RARB: variants seen among roughly 807,000 people sequenced by gnomAD.
RARB encodes the protein retinoic acid receptor beta, also known as HBV-activated protein.
A neutral mutation model predicts 51.9 loss-of-function variants in RARB; 17 were observed. The ratio of observed to expected loss-of-function variants is 0.33; its 90% CI spans 0.22 to 0.49. The LOEUF (loss-of-function observed/expected upper bound fraction) is 0.49. Ranked by LOEUF, RARB falls within the 20% of genes least tolerant of loss-of-function variation. The pLI is 0.99. For missense variants in RARB, 369 were observed against 550.8 expected, an observed-to-expected ratio of 0.67 and a Z score of 3.30; for synonymous variants, 215 against 195.4, an observed-to-expected ratio of 1.10 and a Z score of -0.84.
chr3:25,515,803 G>A (rs1698135314), intron 3 of RARB, among the ~76,000 whole-genome samples: 1 of 152,154 alleles, frequency 6.6e-6, no homozygotes, highest in African/African-American at 2.4e-5. Flanking sequence ...GTGGGGTGCT[G>A]GACATTCTAA....
intron 2 of RARB, among the ~76,000 whole-genome samples, chr3:24,916,854 A>G (rs867923953): frequency 4.0e-4 from 61 of 152,200 alleles, no homozygotes; most frequent in Middle Eastern, 3.4e-3. Context: ...CATCAAAAGG[A>G]TAATGCATAA....
intron 2 of RARB, among the ~76,000 whole-genome samples, chr3:24,945,982 C>T (rs1317236000): frequency 6.6e-6 from 1 of 152,164 alleles, no homozygotes; most frequent in Non-Finnish European, 1.5e-5. Flanking sequence ...TTAAGAATCG[C>T]TGGCCAGGCG....
At chr3:25,101,890 C>T (rs1468208154) in intron 3 of RARB, among the ~76,000 whole-genome samples, 3 of 151,910 alleles carry the variant, frequency 2.0e-5, no homozygotes, top group East Asian at 3.9e-4. Context: ...TCTATTTAAG[C>T]AAAAACTTGT....
intron 3 of RARB, among the ~76,000 whole-genome samples, chr3:25,556,955 G>A (rs1700085315): frequency 6.6e-6 from 1 of 152,216 alleles, no homozygotes; most frequent in Non-Finnish European, 1.5e-5. Flanking sequence ...GCAAGGAATA[G>A]TTATTATTTT....
intron 4 of RARB, among the ~76,000 whole-genome samples, chr3:25,134,576 A>G (rs1329900189): frequency 1.3e-5 from 2 of 151,990 alleles, no homozygotes; most frequent in African/African-American, 4.8e-5. Context: ...TAGGATGATA[A>G]CGTGATACTA....
intron 4 of RARB, among the ~76,000 whole-genome samples, chr3:25,162,939 G>A (rs1362671581): frequency 6.6e-6 from 1 of 152,200 alleles, no homozygotes; most frequent in East Asian, 1.9e-4. Flanking sequence ...TATACAGCCA[G>A]AATTGAAATT....
At chr3:24,835,492 T>C (rs1559367242) in intron 1 of RARB, among the ~76,000 whole-genome samples, 2 of 152,196 alleles carry the variant, frequency 1.3e-5, no homozygotes, top group Non-Finnish European at 2.9e-5. Context: ...TTGAGTGCTC[T>C]GTATGTGCCA....
intron 5 of RARB, among the ~76,000 whole-genome samples, chr3:25,217,810 G>C (rs1701866719): frequency 6.6e-6 from 1 of 152,152 alleles, no homozygotes; most frequent in African/African-American, 2.4e-5. Flanking sequence ...CCTGTCCTGA[G>C]CTCCCTTTGC....
At chr3:25,118,587 A>G (rs894877799) in intron 3 of RARB, among the ~76,000 whole-genome samples, 3 of 152,198 alleles carry the variant, frequency 2.0e-5, no homozygotes, top group Admixed American at 1.3e-4. Context: ...TTAAGGTTAT[A>G]TTCCTTGAGA....
intron 5 of RARB, among the ~76,000 whole-genome samples, chr3:25,365,845 C>A (rs1575345984): frequency 6.6e-6 from 1 of 152,178 alleles, no homozygotes; most frequent in East Asian, 1.9e-4. Context: ...AAGGTAGAAA[C>A]AGCCTAGCTT....
intron 4 of RARB, among the ~76,000 whole-genome samples, chr3:25,168,422 C>T (rs1286964313): frequency 2.6e-5 from 4 of 152,036 alleles, no homozygotes; most frequent in Admixed American, 6.6e-5. Context: ...GACAGGGTTT[C>T]ACCATACTGG....
At chr3:25,356,234 G>A (rs745612447) in intron 5 of RARB, among the ~76,000 whole-genome samples, 2 of 152,002 alleles carry the variant, frequency 1.3e-5, no homozygotes, top group Non-Finnish European at 2.9e-5. Flanking sequence ...TTCCTCTTCT[G>A]GATAAGAAAC....
At chr3:25,524,929 A>T (rs567960844) in intron 3 of RARB, among the ~76,000 whole-genome samples, 1 of 151,850 alleles carries the variant, frequency 6.6e-6, no homozygotes, top group South Asian at 2.1e-4. Flanking sequence ...GGGTTTCATC[A>T]TGTTGGCCCG....
intron 5 of RARB, among the ~76,000 whole-genome samples, chr3:25,365,810 C>T (rs1311139978): frequency 6.6e-6 from 1 of 152,150 alleles, no homozygotes; most frequent in Admixed American, 6.5e-5. Context: ...ATGGGGGCAG[C>T]TCCAGTACAA....
intron 1 of RARB, among the ~76,000 whole-genome samples, chr3:25,453,527 G>A (rs1397873455): frequency 1.3e-5 from 2 of 152,038 alleles, no homozygotes; most frequent in East Asian, 1.9e-4. Context: ...ACAGGCATGA[G>A]CCACTGTGCC....
chr3:25,506,602 C>T (rs1046964982), intron 3 of RARB, among the ~76,000 whole-genome samples: 3 of 152,214 alleles, frequency 2.0e-5, no homozygotes, highest in Non-Finnish European at 4.4e-5. Flanking sequence ...GGCAACAGAG[C>T]AAGACCCTGT....
chr3:25,301,852 C>T (rs1167035696), intron 5 of RARB, among the ~76,000 whole-genome samples: 1 of 152,156 alleles, frequency 6.6e-6, no homozygotes, highest in Non-Finnish European at 1.5e-5. Context: ...GGTGTCAGCA[C>T]TGGGGTCATA....
chr3:24,881,530 C>T (rs2125357018), intron 2 of RARB, among the ~76,000 whole-genome samples: 3 of 152,278 alleles, frequency 2.0e-5, no homozygotes, highest in Non-Finnish European at 4.4e-5. Flanking sequence ...CATATTACGA[C>T]ATTTCAAATC....
intron 5 of RARB, among the ~76,000 whole-genome samples, chr3:25,275,065 C>T (rs1559340563): frequency 6.6e-6 from 1 of 152,200 alleles, no homozygotes; most frequent in South Asian, 2.1e-4. Flanking sequence ...TCTCTTGGCC[C>T]CATGCTCTTA....
Sources: gnomAD v4.1 joint callset for allele counts (sites outside exome capture counted in the v4.1 genomes callset) on GRCh38, gnomAD v4.1.1 for gene constraint, MANE v1.5 for transcripts, NCBI Gene and HGNC (gene_info 2026-07-23, HGNC 2026-07-21) for gene names.